CFAP61: variants seen among roughly 807,000 people sequenced by gnomAD.
CFAP61 encodes the protein cilia- and flagella-associated protein 61.
Under a neutral mutation model 135.6 loss-of-function variants are expected in CFAP61, and 107 were observed. The ratio of observed to expected loss-of-function variants is 0.79; its 90% CI spans 0.67 to 0.93. The LOEUF is 0.93. Among genes scored for constraint, CFAP61 ranks in the 40% least tolerant of loss-of-function variants. The probability of loss-of-function intolerance (pLI) is 0.00; values close to 1 mark genes in which losing one functional copy is unlikely to be tolerated. For missense variants in CFAP61, 1,507 were observed against 1,556.2 expected (o/e 0.97, Z 0.53); for synonymous variants, 575 against 578.5 (o/e 0.99, Z 0.09).
At chr20:20,271,313 A>C (rs1445401510) in intron 21 of CFAP61, among the ~76,000 whole-genome samples, 1 of 152,136 alleles carries the variant, frequency 6.6e-6, no homozygotes, top group Non-Finnish European at 1.5e-5. Context: ...AAAAACAAAA[A>C]CAAAAAGGTC....
At chr20:20,248,231 G>A (rs2050619083) in intron 19 of CFAP61, among the ~76,000 whole-genome samples, 1 of 152,184 alleles carries the variant, frequency 6.6e-6, no homozygotes, top group Non-Finnish European at 1.5e-5. Flanking sequence ...ATGGGTAACT[G>A]CATGTCATCA....
chr20:20,151,588 A>C (rs1200361623), intron 9 of CFAP61, among the ~76,000 whole-genome samples: 1 of 152,094 alleles, frequency 6.6e-6, no homozygotes, highest in Non-Finnish European at 1.5e-5. Flanking sequence ...GCACTTTGGG[A>C]GGCCGAGGTG....
chr20:20,096,694 T>C (rs760814593), intron 7 of CFAP61, among the ~76,000 whole-genome samples: 2 of 152,214 alleles, frequency 1.3e-5, no homozygotes, highest in Non-Finnish European at 2.9e-5. Context: ...TCTGCACATA[T>C]GGTAGATGGA....
intron 20 of CFAP61, among the ~76,000 whole-genome samples, chr20:20,258,835 A>C (rs563109010): frequency 2.0e-5 from 3 of 152,356 alleles, no homozygotes; most frequent in African/African-American, 7.2e-5. Context: ...CACTGAGGTC[A>C]CTGCCATTGG....
rs201918647 is a variant in CFAP61 at position 20,269,229 on chromosome 20, GTA to G, written c.2503+6108_2503+6109del. Among the ~76,000 whole-genome samples, 124 of 128,910 alleles carry G rather than the reference GTA, an allele frequency of 9.6e-4. 2 individuals are homozygous for G. Among genetic ancestry groups the G allele is most frequent in the Non-Finnish European group, 1.2e-3 (72 of 60,226 alleles). The allele number at this position is 128,910 out of a possible 152,430, so 84.6% of individuals were successfully genotyped here. On this transcript the variant is annotated intron_variant, in intron 21 of 26. Coordinates refer to ENST00000245957, the MANE Select transcript of CFAP61 (RefSeq NM_015585.4). ...TATATATACACATATATACATATAT[GTA>G]TATATATACACGTATATGTGCATAT...
At chr20:20,263,265 T>A in intron 21 of CFAP61, 135 bp downstream of exon 21, 1 of 599,462 alleles carries the variant, frequency 1.7e-6, no homozygotes, top group Non-Finnish European at 2.5e-6. Flanking sequence ...TCATGCTTTG[T>A]TTTCCAGATT....
rs142250561 is a variant in CFAP61 at position 20,222,661 on chromosome 20, C to A, written c.1933-5588C>A. 8.7e-3 allele frequency among the ~76,000 whole-genome samples: 1,320 copies of A among 152,240 alleles called. 21 individuals carry two copies. The highest frequency in any genetic ancestry group is 0.03 in the African/African-American group (1,251 of 41,518). ...TGGTATTCATATCATACTTTTGAAA[C>A]TTTTTAATTATTTTAGTAGAAAGGC... On this transcript the variant is annotated intron_variant, in intron 17 of 26. Coordinates refer to ENST00000245957, the MANE Select transcript of CFAP61 (RefSeq NM_015585.4).
intron 9 of CFAP61, among the ~76,000 whole-genome samples, chr20:20,153,111 A>G (rs2052591365): frequency 1.3e-5 from 2 of 152,174 alleles, no homozygotes; most frequent in African/African-American, 2.4e-5. Context: ...AATAATCTGA[A>G]CTTGAATGAT....
At chr20:20,191,119 AAAT>A in intron 14 of CFAP61, among the ~76,000 whole-genome samples, 1 of 152,186 alleles carries the variant, frequency 6.6e-6, no homozygotes, top group Admixed American at 6.5e-5. Flanking sequence ...ATCTCAAAAA[AAAT>A]AATAATAATA....
At chr20:20,110,107 C>T (rs931457094) in intron 8 of CFAP61, among the ~76,000 whole-genome samples, 4 of 151,896 alleles carry the variant, frequency 2.6e-5, no homozygotes, top group Non-Finnish European at 5.9e-5. Flanking sequence ...GGGGTTTCAC[C>T]GTGTTGGCCA....
intron 25 of CFAP61, among the ~76,000 whole-genome samples, chr20:20,338,794 C>T (rs1306880440): frequency 2.0e-5 from 3 of 152,188 alleles, no homozygotes; most frequent in African/African-American, 7.2e-5. Flanking sequence ...ATGAGTCTGT[C>T]GATGTAACTG....
intron 9 of CFAP61, among the ~76,000 whole-genome samples, chr20:20,153,770 C>A (rs1347219184): frequency 6.6e-6 from 1 of 152,100 alleles, no homozygotes; most frequent in African/African-American, 2.4e-5. Context: ...CAGCTGAATT[C>A]TATCAGGCAT....
At chr20:20,327,529 G>A (rs2057796646) in intron 25 of CFAP61, among the ~76,000 whole-genome samples, 1 of 151,992 alleles carries the variant, frequency 6.6e-6, no homozygotes, top group Admixed American at 6.5e-5. Context: ...TTTCCAAAAT[G>A]GCTGGCATGA....
chr20:20,146,661 CT>C (rs1237819170), intron 9 of CFAP61, among the ~76,000 whole-genome samples: 1 of 152,158 alleles, frequency 6.6e-6, no homozygotes, highest in Admixed American at 6.5e-5. Context: ...ATATCCATTC[CT>C]GGATTTGAGT....
intron 25 of CFAP61, among the ~76,000 whole-genome samples, chr20:20,330,534 A>C (rs540288057): frequency 1.3e-5 from 2 of 152,140 alleles, no homozygotes; most frequent in African/African-American, 4.8e-5. Flanking sequence ...ACAGGGTTTC[A>C]CCATGTTGCC....
At chr20:20,101,311 T>C (rs1350269943) in intron 8 of CFAP61, among the ~76,000 whole-genome samples, 1 of 152,240 alleles carries the variant, frequency 6.6e-6, no homozygotes, top group Non-Finnish European at 1.5e-5. Flanking sequence ...ATATCTTGTA[T>C]TTTGTTTAGT....
chr20:20,274,688 G>A (rs1005220282), intron 21 of CFAP61, among the ~76,000 whole-genome samples: 1 of 151,980 alleles, frequency 6.6e-6, no homozygotes, highest in Non-Finnish European at 1.5e-5. Context: ...TAAAAAAAAG[G>A]CAAGAGGTGG....
At chr20:20,177,645 A>C (rs2054734566) in intron 13 of CFAP61, among the ~76,000 whole-genome samples, 1 of 151,382 alleles carries the variant, frequency 6.6e-6, no homozygotes. Flanking sequence ...AACAGAAATG[A>C]TGCAAACAGA....
chr20:20,275,428 C>A (rs941213595), intron 21 of CFAP61, among the ~76,000 whole-genome samples: 1 of 152,160 alleles, frequency 6.6e-6, no homozygotes, highest in Non-Finnish European at 1.5e-5. Flanking sequence ...TAGAAATAAA[C>A]CTGTAATTTT....
Sources: allele counts gnomAD v4.1 joint callset (sites outside exome capture counted in the v4.1 genomes callset), GRCh38; gene constraint gnomAD v4.1.1; transcripts MANE v1.5; gene names NCBI Gene and HGNC (gene_info 2026-07-23, HGNC 2026-07-21).